The following APCDD1 variants were observed in gnomAD, a reference collection of about 807,000 sequenced individuals.
The protein encoded by APCDD1 is APC down-regulated 1, also known as protein APCDD1.
In APCDD1, 15 loss-of-function variants were observed where a neutral mutation model predicts 38.1. The observed-to-expected ratio is 0.39, with a 90% CI of 0.26 to 0.61. APCDD1 has a LOEUF of 0.61. Among genes scored for constraint, APCDD1 ranks in the 20% least tolerant of loss-of-function variants. The pLI, the probability that APCDD1 is intolerant of heterozygous loss-of-function variation, is 0.49. For missense variants in APCDD1, 647 were observed against 696.2 expected, an observed-to-expected ratio of 0.93 and a Z score of 0.79; for synonymous variants, 261 against 279.7, an observed-to-expected ratio of 0.93 and a Z score of 0.67.
chr18:10,468,033 T>C (rs2030758004), intron 1 of APCDD1, among the ~76,000 whole-genome samples: 1 of 152,224 alleles, frequency 6.6e-6, no homozygotes. Context: ...CCCTTATTGA[T>C]GACACCTCTT....
Position 10,472,874 on chromosome 18 carries a change from G to A in APCDD1, c.774+813G>A, listed in dbSNP as rs372317053. On this transcript the variant is annotated intron_variant, in intron 3 of 4. Transcript: ENST00000355285. This position sits in a 1 kb window ranked among gnomAD's most constrained non-coding sequence, Gnocchi z 6.6. ...TAGAGTACACGTCCATGTGTAACTC[G>A]ATCACCTCCACCATCTCCCCGCAGA... Among the ~76,000 whole-genome samples, 2 of 152,128 alleles carry A rather than the reference G, an allele frequency of 1.3e-5. No homozygotes were observed. The highest frequency in any genetic ancestry group is 2.9e-5 in the Non-Finnish European group (2 of 68,018).
In APCDD1 at chr18:10,476,449, C is replaced by G. The variant is rs1399670553; in HGVS notation, c.774+4388C>G. 2.6e-5 allele frequency: 4 copies of G among 152,188 alleles called. No individual in the cohort carries two copies. The highest frequency in any genetic ancestry group is 4.4e-5 in the Non-Finnish European group (3 of 68,042). 9.4% of individuals were successfully genotyped at this position (152,188 alleles called of 1,614,324 possible). A position where few individuals can be genotyped will look rare whatever the true frequency, so the allele number is the denominator to read the frequency against. On this transcript the variant is annotated intron_variant, in intron 3 of 4. Coordinates refer to ENST00000355285, the MANE Select transcript of APCDD1 (RefSeq NM_153000.5). The surrounding 1 kb of genome is among the most constrained non-coding windows in gnomAD (Gnocchi z 5.8). ...CGTAAAGTAACCCTGAAAGAAGATG[C>G]TTTGCCTGAATCAAGTTTAGCGTCA...
At chr18:10,458,022 T>A (rs2030425191) in intron 1 of APCDD1, among the ~76,000 whole-genome samples, 1 of 152,242 alleles carries the variant, frequency 6.6e-6, no homozygotes, top group Non-Finnish European at 1.5e-5. Flanking sequence ...CTGGAAGATG[T>A]CCATTATCAC....
rs91958 is a variant in APCDD1 at position 10,485,366 on chromosome 18, T to G, written c.775-96T>G. The G allele has an allele frequency of 7.4e-7, 1 of 1,358,548 alleles. No homozygotes were observed. Among genetic ancestry groups the G allele is most frequent in the Non-Finnish European group, 1.0e-6 (1 of 960,048 alleles). 84.2% of individuals were successfully genotyped at this position (1,358,548 alleles called of 1,614,324 possible). On this transcript the variant is annotated intron_variant, in intron 3 of 4. Coordinates refer to ENST00000355285, the MANE Select transcript of APCDD1 (RefSeq NM_153000.5). The surrounding 1 kb of genome is among the most constrained non-coding windows in gnomAD (Gnocchi z 5.8). ...GTGTCGAGGTTGTCAGTGATGGTGA[T>G]CTGGTGCCTGGTGAGACCCCATTTG...
chr18:10,460,104 C>A (rs2030493626), intron 1 of APCDD1, among the ~76,000 whole-genome samples: 1 of 152,144 alleles, frequency 6.6e-6, no homozygotes, highest in African/African-American at 2.4e-5. Flanking sequence ...GTTTCCTTCC[C>A]AAATAATTTT....
chr18:10,459,725 A>G (rs1250703396), intron 1 of APCDD1, among the ~76,000 whole-genome samples: 1 of 152,260 alleles, frequency 6.6e-6, no homozygotes, highest in Non-Finnish European at 1.5e-5. Context: ...GCTGGAGTTT[A>G]TCTACCAGCA....
Position 10,487,611 on chromosome 18 carries a change from C to T in APCDD1, c.1118C>T (p.Pro373Leu), listed in dbSNP as rs374248487. ...VFKVNHMKVT[P>L]MDAATASLLN... is the part of the protein sequence containing the mutation. ...GCAGTGAATCACATGAAGGTCACCC[C>T]CATGGATGCGGCCACAGCCTCACTG... Residue 373 changes from proline to leucine, a missense_variant, in exon 5 of 5, where the codon CCC (proline) becomes CTC (leucine). Coordinates refer to ENST00000355285, the MANE Select transcript of APCDD1 (RefSeq NM_153000.5). The T allele has an allele frequency of 2.4e-5, 39 of 1,614,024 alleles. No individual in the cohort carries two copies. The highest frequency in any genetic ancestry group is 5.3e-5 in the African/African-American group (4 of 74,940).
intron 4 of APCDD1, 140 bp from the exon 5 acceptor site, chr18:10,487,450 A>G: frequency 2.5e-6 from 2 of 811,518 alleles, no homozygotes; most frequent in East Asian, 5.3e-5. Flanking sequence ...TACTGCTGTC[A>G]GATGGGTGGG....
rs182504452 is a variant in APCDD1 at position 10,488,743 on chromosome 18, G to C, written c.*705G>C. ...CTTACCTTGTTGAGAGAGGAGACTGGCTTGTTGGCTTCTGGTTGTTGCAGG... is the reference window on the plus strand; with the variant it reads ...CTTACCTTGTTGAGAGAGGAGACTGCCTTGTTGGCTTCTGGTTGTTGCAGG... On this transcript the variant is annotated 3_prime_UTR_variant, in exon 5 of 5. Coordinates refer to ENST00000355285, the MANE Select transcript of APCDD1 (RefSeq NM_153000.5). The C allele has an allele frequency of 1.3e-5, 2 of 151,584 alleles. No individual in the cohort carries two copies. Among genetic ancestry groups the C allele is most frequent in the East Asian group, 3.9e-4 (2 of 5,114 alleles). 9.4% of individuals were successfully genotyped at this position (151,584 alleles called of 1,614,324 possible). A position where few individuals can be genotyped will look rare whatever the true frequency, so the allele number is the denominator to read the frequency against.
rs1458166801 is a variant in APCDD1 at position 10,472,498 on chromosome 18, G to A, written c.774+437G>A. On this transcript the variant is annotated intron_variant, in intron 3 of 4. Coordinates refer to ENST00000355285, the MANE Select transcript of APCDD1 (RefSeq NM_153000.5). The surrounding 1 kb of genome is among the most constrained non-coding windows in gnomAD (Gnocchi z 6.6). ...GAGGAGGCGGGGAGGGACAGAAAGGGGAGGTGACAGTGGGATTTGTGTGGG... is the reference window on the plus strand; with the variant it reads ...GAGGAGGCGGGGAGGGACAGAAAGGAGAGGTGACAGTGGGATTTGTGTGGG... Among the ~76,000 whole-genome samples, 1 of 152,196 alleles carries A rather than the reference G, an allele frequency of 6.6e-6. No individual in the cohort carries two copies. Among genetic ancestry groups the A allele is most frequent in the Non-Finnish European group, 1.5e-5 (1 of 68,034 alleles).
At chr18:10,482,335 G>T (rs892158225) in intron 3 of APCDD1, among the ~76,000 whole-genome samples, 8 of 152,206 alleles carry the variant, frequency 5.3e-5, no homozygotes, top group African/African-American at 1.9e-4. Context: ...GCGCAGAGGG[G>T]AGCTGAAGGC....
Position 10,488,108 on chromosome 18 carries a change from A to G in APCDD1, c.*70A>G, listed in dbSNP as rs1290616836. On this transcript the variant is annotated 3_prime_UTR_variant, in exon 5 of 5. Coordinates refer to ENST00000355285, the MANE Select transcript of APCDD1 (RefSeq NM_153000.5). ...TTGACAGATTTGCTTTACCAAAAGA[A>G]AAGACATTTATTCTTTTGATGCACT... 1 of 1,572,938 alleles carries G rather than the reference A, an allele frequency of 6.4e-7. No individual in the cohort carries two copies. The highest frequency in any genetic ancestry group is 1.3e-5 in the African/African-American group (1 of 74,106).
At chr18:10,457,640 C>T (rs1004405773) in intron 1 of APCDD1, among the ~76,000 whole-genome samples, 1 of 152,158 alleles carries the variant, frequency 6.6e-6, no homozygotes, top group Non-Finnish European at 1.5e-5. Flanking sequence ...TTTAGTTTCA[C>T]ACATCATTTA....
intron 3 of APCDD1, chr18:10,477,755 G>C (rs1158417960): frequency 1.3e-5 from 2 of 152,214 alleles, no homozygotes; most frequent in Non-Finnish European, 2.9e-5. Flanking sequence ...GGATGGGCCA[G>C]CCAGGAGTGC....
In APCDD1 at chr18:10,488,422, A is replaced by C; in HGVS notation, c.*384A>C. The stretch of plus-strand genomic sequence containing the variant: ...CTATCAAGCTACAACTTTTCCTGCC[A>C]TTTTCCTGTGGTTGCAGCCTGTCTT... On this transcript the variant is annotated 3_prime_UTR_variant, in exon 5 of 5. Transcript: ENST00000355285. 1 of 191,844 alleles carries C rather than the reference A, an allele frequency of 5.2e-6. No individual in the cohort carries two copies. The highest frequency in any genetic ancestry group is 1.0e-4 in the South Asian group (1 of 9,788). The allele number at this position is 191,844 out of a possible 1,614,324, so 11.9% of individuals were successfully genotyped here. A position where few individuals can be genotyped will look rare whatever the true frequency, so the allele number is the denominator to read the frequency against.
chr18:10,455,476 A>T (rs1410348411), intron 1 of APCDD1, among the ~76,000 whole-genome samples: 1 of 152,120 alleles, frequency 6.6e-6, no homozygotes, highest in African/African-American at 2.4e-5. Context: ...CGTTTAGGAG[A>T]GTGGAAAGAG....
At chr18:10,456,941 G>T (rs1019867356) in intron 1 of APCDD1, among the ~76,000 whole-genome samples, 1 of 152,182 alleles carries the variant, frequency 6.6e-6, no homozygotes, top group South Asian at 2.1e-4. Flanking sequence ...GACCGTGTGC[G>T]TGCTGGTATG....
chr18:10,455,020 C>G lies in APCDD1; in HGVS notation c.39C>G (p.Phe13Leu). The G allele has an allele frequency of 6.4e-7, 1 of 1,565,386 alleles. No individual in the cohort carries two copies. The highest frequency in any genetic ancestry group is 8.7e-7 in the Non-Finnish European group (1 of 1,155,190). ...GCCGCCTCCTGCTCAGATACCTGTT[C>G]CCGGCCCTCCTGCTTCACGGTGAGT... is the stretch of plus-strand genomic sequence containing the variant. ...WPRRLLLRYL[F>L]PALLLHGLGE... The change falls in exon 1 of 5, where the codon TTC (phenylalanine) becomes TTG (leucine). Residue 13 changes from phenylalanine to leucine, a missense_variant. Transcript: ENST00000355285.
chr18:10,477,632 A>G (rs142461691), intron 3 of APCDD1: 49 of 152,364 alleles, frequency 3.2e-4, no homozygotes, highest in African/African-American at 1.2e-3. Context: ...AAGGCAAGAA[A>G]GCTCAGAGGA....
Sources: allele counts gnomAD v4.1 joint callset (sites outside exome capture counted in the v4.1 genomes callset), GRCh38; gene constraint gnomAD v4.1.1; non-coding constraint Gnocchi (gnomAD v3.1); transcripts MANE v1.5; gene names NCBI Gene and HGNC (gene_info 2026-07-23, HGNC 2026-07-21).